NRAP: variants seen among roughly 807,000 people sequenced by gnomAD.
The protein encoded by NRAP is nebulin-related-anchoring protein.
NRAP carries 189 observed loss-of-function variants against 225.9 expected under a neutral mutation model. The observed-to-expected ratio is 0.84, with a 90% CI of 0.74 to 0.94. The LOEUF is 0.94. Among genes scored for constraint, NRAP ranks in the 40% least tolerant of loss-of-function variants. The probability of loss-of-function intolerance (pLI) is 0.00; values close to 1 mark genes in which losing one functional copy is unlikely to be tolerated. For missense variants in NRAP, 2,176 were observed against 2,168.7 expected (o/e 1.00, Z -0.07); for synonymous variants, 769 against 790.7 (o/e 0.97, Z 0.46).
chr10:113,621,998 G>A lies in NRAP; in HGVS notation c.2640C>T (p.Leu880=), dbSNP rs370143634. 17 of 1,614,088 alleles carry A rather than the reference G, an allele frequency of 1.1e-5. No individual in the cohort carries two copies. The highest frequency in any genetic ancestry group is 4.5e-5 in the East Asian group (2 of 44,896). Residue 880 remains leucine (L), a synonymous_variant, in exon 24 of 42, where the codon CTC becomes CTT. Transcript: ENST00000359988. ...AATGCTGAGCTTTGCGGGCATGCAC[G>A]AGGTGGACCATGTCCAGGGAGACGT... ...QCHVSLDMVH[L]VHARKAQHLA...
intron 14 of NRAP, among the ~76,000 whole-genome samples, chr10:113,637,922 CA>C (rs11312314): frequency 0.83 from 122,273 of 146,784 alleles, 51,055 homozygotes; most frequent in East Asian, 0.9. Context: ...AACTCTGTCT[CA>C]AAAAAAAAAA....
chr10:113,650,130 A>T lies in NRAP; in HGVS notation c.795T>A (p.His265Gln). The T allele has an allele frequency of 6.2e-7, 1 of 1,607,090 alleles. No individual in the cohort carries two copies. The highest frequency in any genetic ancestry group is 8.5e-7 in the Non-Finnish European group (1 of 1,173,876). The change falls in exon 9 of 42, where the codon CAT (histidine) becomes CAA (glutamine). Residue 265 changes from histidine to glutamine, a missense_variant. This residue lies in a region of NRAP where 1,708 missense variants were observed against 1,695.5 expected (regional missense o/e 1.01). Transcript: ENST00000359988. ...CCCTCATTTCTTTTTGATATTGTTGATGGTACCTCACCTGTTTTAAGGCAA... is the reference window on the plus strand; with the variant it reads ...CCCTCATTTCTTTTTGATATTGTTGTTGGTACCTCACCTGTTTTAAGGCAA... ...ANELASDVRY[H>Q]QQYQKEMRGM...
chr10:113,606,850 C>G (rs1970598), intron 32 of NRAP, among the ~76,000 whole-genome samples: 77,664 of 151,908 alleles, frequency 0.51, 20,449 homozygotes, highest in East Asian at 0.71. Context: ...AGTGGATCAC[C>G]AGGTCAGGAG....
chr10:113,647,577 T>TGGTACTGCCTCCCCC, intron 9 of NRAP, among the ~76,000 whole-genome samples: 1 of 29,368 alleles, frequency 3.4e-5, no homozygotes, highest in South Asian at 1.5e-3. Context: ...CTGCCTCCCC[T>TGGTACTGCCTCCCCC]GGTGGTACTT....
chr10:113,640,423 C>T (rs890035935), intron 13 of NRAP, 92 bp from the exon 14 acceptor site: 1 of 663,088 alleles, frequency 1.5e-6, no homozygotes. Flanking sequence ...TTTTTAAATA[C>T]CCAGAAACGA....
chr10:113,591,010 G>A, intron 39 of NRAP, 121 bp from the exon 40 acceptor site: 2 of 779,224 alleles, frequency 2.6e-6, no homozygotes, highest in South Asian at 3.5e-5. Context: ...AGAGGCACAG[G>A]CTTTGGATTC....
chr10:113,656,592 T>G (rs949097636), intron 4 of NRAP, among the ~76,000 whole-genome samples: 1 of 152,228 alleles, frequency 6.6e-6, no homozygotes, highest in African/African-American at 2.4e-5. Context: ...TAGCTGATAT[T>G]TATTGTGCCT....
intron 26 of NRAP, 50 bp downstream of exon 26, chr10:113,617,405 G>A: frequency 8.8e-7 from 1 of 1,135,716 alleles, no homozygotes; most frequent in Non-Finnish European, 1.3e-6. Context: ...TCGCAGTGTT[G>A]AAAGAAGAGC....
intron 12 of NRAP, among the ~76,000 whole-genome samples, chr10:113,642,444 T>C (rs566429588): frequency 1.5e-4 from 23 of 152,266 alleles, no homozygotes; most frequent in South Asian, 1.5e-3. Context: ...TTGATGTCCA[T>C]GAGGATACAT....
chr10:113,608,531 A>C lies in NRAP; in HGVS notation c.3604-19T>G, dbSNP rs762926357. The C allele has an allele frequency of 2.6e-6, 4 of 1,520,828 alleles. No individual in the cohort carries two copies. In the South Asian group the frequency reaches 4.6e-5, roughly 17 times the overall value. 94.2% of individuals were successfully genotyped at this position (1,520,828 alleles called of 1,614,324 possible). A position where few individuals can be genotyped will look rare whatever the true frequency, so the allele number is the denominator to read the frequency against. ...ATTTACTCTGAATTCACACACAAGAAGGGAAGAAGACGACTCCGTAAGGGA... is the reference window on the plus strand; with the variant it reads ...ATTTACTCTGAATTCACACACAAGACGGGAAGAAGACGACTCCGTAAGGGA... On this transcript the variant is annotated intron_variant, in intron 31 of 41. Coordinates refer to ENST00000359988, the MANE Select transcript of NRAP (RefSeq NM_198060.4).
At chr10:113,604,458 A>C (rs758509293) in intron 35 of NRAP, 151 bp downstream of exon 35, 1 of 647,538 alleles carries the variant, frequency 1.5e-6, no homozygotes, top group Non-Finnish European at 2.6e-6. Context: ...ATTCCAACCT[A>C]AATGACATAG....
In NRAP at chr10:113,648,071, C is replaced by T. The variant is rs548004961; in HGVS notation, c.889-1044G>A. On this transcript the variant is annotated intron_variant, in intron 9 of 41. Coordinates refer to ENST00000359988, the MANE Select transcript of NRAP (RefSeq NM_198060.4). ...GGCAGAGTCCTCTGTGTTTTCACTG[C>T]ACTTTTTGCATAAATCTGAAACAGC... Among the ~76,000 whole-genome samples the T allele has an allele frequency of 1.5e-3, 226 of 152,298 alleles. 5 individuals are homozygous for T. In the South Asian group the frequency reaches 0.045, roughly 30 times the overall value.
chr10:113,647,644 TC>T (rs67997047), intron 9 of NRAP, among the ~76,000 whole-genome samples: 2,085 of 23,400 alleles, frequency 0.089, 55 homozygotes, highest in African/African-American at 0.11. Context: ...TGGTACTGTC[TC>T]CCCCCGGTGG....
chr10:113,628,422 T>C (rs1238917374), intron 20 of NRAP, among the ~76,000 whole-genome samples: 1 of 152,134 alleles, frequency 6.6e-6, no homozygotes, highest in Non-Finnish European at 1.5e-5. Flanking sequence ...TCTCCTGACC[T>C]CGTGATCTGC....
In NRAP at chr10:113,590,845, G is replaced by A. The variant is rs556650136; in HGVS notation, c.4689C>T (p.Ile1563=). The A allele has an allele frequency of 9.9e-6, 16 of 1,614,050 alleles. No individual in the cohort carries two copies. In the East Asian group the frequency reaches 1.3e-4, roughly 13 times the overall value. Residue 1563 remains isoleucine (I), a synonymous_variant, in exon 40 of 42, where the codon ATC becomes ATT. Transcript: ENST00000359988. ...EAFLRDRGLQ[I]GYRSVDDDPR... ...GGTCATCGTCGACACTGCGGTACCC[G>A]ATCTGCAGGCCTCGGTCCCGCAGGA...
chr10:113,628,148 C>T (rs931252464), intron 20 of NRAP, among the ~76,000 whole-genome samples: 1 of 152,100 alleles, frequency 6.6e-6, no homozygotes, highest in African/African-American at 2.4e-5. Context: ...GCTGCAGGGA[C>T]CTGGGAGAGT....
intron 41 of NRAP, 60 bp downstream of exon 41, chr10:113,589,606 T>C: frequency 6.4e-7 from 1 of 1,552,790 alleles, no homozygotes; most frequent in Non-Finnish European, 8.7e-7. Flanking sequence ...AAAGAAACAA[T>C]GAGTTTGTCT....
chr10:113,603,369 T>G (rs140897250), intron 35 of NRAP, among the ~76,000 whole-genome samples: 15 of 152,046 alleles, frequency 9.9e-5, no homozygotes, highest in African/African-American at 3.4e-4. Flanking sequence ...AGGACCTCCC[T>G]GAGGTAGCCT....
Position 113,623,513 on chromosome 10 carries a change from G to A in NRAP, c.2457+16C>T. The A allele has an allele frequency of 6.4e-7, 1 of 1,566,208 alleles. No individual in the cohort carries two copies. Among genetic ancestry groups the A allele is most frequent in the South Asian group, 1.1e-5 (1 of 89,884 alleles). On this transcript the variant is annotated intron_variant, in intron 23 of 41. Coordinates refer to ENST00000359988, the MANE Select transcript of NRAP (RefSeq NM_198060.4). ...AGGATTCTGCGGTCTCTTGTACAAG[G>A]TGGGGACAGACTCACCTCGCTAGCC...
Sources: gnomAD v4.1 joint callset for allele counts (sites outside exome capture counted in the v4.1 genomes callset) on GRCh38, gnomAD v4.1.1 for gene constraint, gnomAD v4.1.1 regional missense constraint, MANE v1.5 for transcripts, NCBI Gene and HGNC (gene_info 2026-07-23, HGNC 2026-07-21) for gene names.